The following STON1 variants were observed in gnomAD, a reference collection of about 807,000 sequenced individuals.
The protein encoded by STON1 is stonin 1, also known as stonin-1.
In STON1, 79 loss-of-function variants were observed where a neutral mutation model predicts 60.9. The ratio of observed to expected loss-of-function variants is 1.30; its 90% CI spans 1.08 to 1.56. STON1 has a LOEUF of 1.56. STON1 is among the 40% of genes most tolerant of loss of function. STON1 has a pLI of 0.00. For synonymous variants in STON1, 363 were observed against 306.9 expected, an observed-to-expected ratio of 1.18 and a Z score of -1.91; for missense variants, 1,166 against 858.9, an observed-to-expected ratio of 1.36 and a Z score of -4.47.
chr2:48,585,330 C>G (rs189243589), intron 2 of STON1, among the ~76,000 whole-genome samples: 11 of 152,128 alleles, frequency 7.2e-5, no homozygotes, highest in Admixed American at 6.5e-4. Flanking sequence ...TCACTGCAAC[C>G]GCTGCCTCCT....
rs1406200978 is a variant in STON1 at position 48,564,485 on chromosome 2, T to C, written c.-47-16102T>C. Among the ~76,000 whole-genome samples the C allele has an allele frequency of 6.4e-3, 157 of 24,522 alleles. 1 individual carries two copies. The highest frequency in any genetic ancestry group is 9.3e-3 in the South Asian group (5 of 536). 16.1% of individuals were successfully genotyped at this position (24,522 alleles called of 152,430 possible). A position where few individuals can be genotyped will look rare whatever the true frequency, so the allele number is the denominator to read the frequency against. On this transcript the variant is annotated intron_variant, in intron 1 of 3. Transcript: ENST00000404752. The stretch of plus-strand genomic sequence containing the variant: ...TCTTCTTCTTCTTCTTCTTCTTTCT[T>C]CTTCTTCTTCTTCTTCTTCTTCTTC...
At chr2:48,570,061 A>G (rs1161390655) in intron 1 of STON1, among the ~76,000 whole-genome samples, 2 of 152,336 alleles carry the variant, frequency 1.3e-5, no homozygotes, top group Middle Eastern at 3.4e-3. Flanking sequence ...CAGGCTGGGC[A>G]TGGTGGCTCA....
At chr2:48,560,373 G>A (rs1338367253) in intron 1 of STON1, among the ~76,000 whole-genome samples, 1 of 152,144 alleles carries the variant, frequency 6.6e-6, no homozygotes, top group Admixed American at 6.5e-5. Flanking sequence ...GTGACCACAG[G>A]GTCCTGCACC....
rs1234216984 is a variant in STON1 at position 48,555,374 on chromosome 2, C to T, written c.-48+25158C>T. Among the ~76,000 whole-genome samples, 6 of 49,046 alleles carry T rather than the reference C, an allele frequency of 1.2e-4. 1 individual carries two copies. The highest frequency in any genetic ancestry group is 1.3e-4 in the Non-Finnish European group (3 of 23,508). The allele number at this position is 49,046 out of a possible 152,430, so 32.2% of individuals were successfully genotyped here. A position where few individuals can be genotyped will look rare whatever the true frequency, so the allele number is the denominator to read the frequency against. Reference sequence around the variant, plus strand: ...GGGCGGCTGGCCGGGCAGAGGGGCTCCTCACTTCCCAGTAGGGGCGGCCGG... The same window carrying T: ...GGGCGGCTGGCCGGGCAGAGGGGCTTCTCACTTCCCAGTAGGGGCGGCCGG... On this transcript the variant is annotated intron_variant, in intron 1 of 3. Transcript: ENST00000404752.
intron 1 of STON1, among the ~76,000 whole-genome samples, chr2:48,559,635 C>G (rs1329298057): frequency 3.3e-5 from 5 of 152,156 alleles, no homozygotes; most frequent in Non-Finnish European, 1.5e-5. Context: ...GACAGAGGCT[C>G]AGGGAATTGA....
intron 1 of STON1, among the ~76,000 whole-genome samples, chr2:48,537,460 C>T (rs1208295817): frequency 6.6e-6 from 1 of 151,998 alleles, no homozygotes; most frequent in Non-Finnish European, 1.5e-5. Flanking sequence ...TATACATATA[C>T]AGGTATATTA....
intron 1 of STON1, among the ~76,000 whole-genome samples, chr2:48,539,166 C>G (rs1478998069): frequency 6.6e-6 from 1 of 152,158 alleles, no homozygotes; most frequent in Non-Finnish European, 1.5e-5. Flanking sequence ...GATCCTCTTG[C>G]CTCAGTCTTT....
intron 1 of STON1, among the ~76,000 whole-genome samples, chr2:48,564,642 C>CT (rs1191262049): frequency 3.3e-5 from 4 of 120,916 alleles, no homozygotes; most frequent in African/African-American, 1.4e-4. Flanking sequence ...CTTTCTCCTT[C>CT]TCCTTCTTCT....
intron 1 of STON1, among the ~76,000 whole-genome samples, chr2:48,550,574 T>A (rs1672061535): frequency 6.8e-6 from 1 of 148,090 alleles, no homozygotes; most frequent in African/African-American, 2.5e-5. Flanking sequence ...TATATATATA[T>A]TATATATATA....
intron 2 of STON1, among the ~76,000 whole-genome samples, chr2:48,588,902 A>G (rs1232137332): frequency 6.6e-6 from 1 of 152,144 alleles, no homozygotes; most frequent in African/African-American, 2.4e-5. Context: ...GCACTAGCTC[A>G]CAGACTTCAT....
chr2:48,588,020 C>G (rs1674310825), intron 2 of STON1, among the ~76,000 whole-genome samples: 1 of 152,172 alleles, frequency 6.6e-6, no homozygotes, highest in Non-Finnish European at 1.5e-5. Context: ...GCTAATTTGC[C>G]TCTTGAGAAG....
intron 1 of STON1, among the ~76,000 whole-genome samples, chr2:48,532,246 G>A (rs1671241463): frequency 6.6e-6 from 1 of 151,996 alleles, no homozygotes; most frequent in Admixed American, 6.6e-5. Context: ...CTACTTGGGA[G>A]GTTGAGGCGG....
intron 1 of STON1, among the ~76,000 whole-genome samples, chr2:48,537,691 A>T (rs1671484067): frequency 6.6e-6 from 1 of 151,988 alleles, no homozygotes; most frequent in Non-Finnish European, 1.5e-5. Context: ...TCTACTAAAA[A>T]TGCCAAAAAT....
intron 1 of STON1, among the ~76,000 whole-genome samples, chr2:48,555,034 G>A (rs200747119): frequency 0.07 from 3,950 of 56,794 alleles, 625 homozygotes; most frequent in East Asian, 0.42. Flanking sequence ...AGAGAGCACA[G>A]GGTTGGGGGT....
chr2:48,565,828 G>C (rs1672918927), intron 1 of STON1, among the ~76,000 whole-genome samples: 1 of 152,208 alleles, frequency 6.6e-6, no homozygotes, highest in African/African-American at 2.4e-5. Flanking sequence ...TTTTACAGAT[G>C]AGGAAACTGT....
chr2:48,580,173 G>T (rs1673790855), intron 1 of STON1, among the ~76,000 whole-genome samples: 1 of 152,118 alleles, frequency 6.6e-6, no homozygotes, highest in Non-Finnish European at 1.5e-5. Context: ...CTCCCAAAGT[G>T]CTGGGATTAC....
At chr2:48,554,442 C>T (rs1416868741) in intron 1 of STON1, among the ~76,000 whole-genome samples, 1 of 152,026 alleles carries the variant, frequency 6.6e-6, no homozygotes, top group East Asian at 1.9e-4. Context: ...AGGCTAGTTT[C>T]GAACTCCTGA....
rs1241291799 is a variant in STON1, at chr2:48,557,583, C to T, written c.-47-23004C>T. Reference sequence around the variant, plus strand: ...CGGCACTTTGGGAGGCCAAGGCAGGCGGCTGGGAGGTGTAGGTTGTAGTGA... The same window carrying T: ...CGGCACTTTGGGAGGCCAAGGCAGGTGGCTGGGAGGTGTAGGTTGTAGTGA... On this transcript the variant is annotated intron_variant, in intron 1 of 3. Transcript: ENST00000404752. 9.4e-3 allele frequency among the ~76,000 whole-genome samples: 1,093 copies of T among 115,688 alleles called. 194 individuals carry two copies. The highest frequency in any genetic ancestry group is 0.014 in the Non-Finnish European group (767 of 54,166). 75.9% of individuals were successfully genotyped at this position (115,688 alleles called of 152,430 possible).
chr2:48,563,224 G>A (rs775719888), intron 1 of STON1, among the ~76,000 whole-genome samples: 1 of 152,332 alleles, frequency 6.6e-6, no homozygotes, highest in Non-Finnish European at 1.5e-5. Flanking sequence ...GCCTATGGGT[G>A]GGAGGCTTGA....
Sources: allele counts gnomAD v4.1 joint callset (sites outside exome capture counted in the v4.1 genomes callset), GRCh38; gene constraint gnomAD v4.1.1; transcripts MANE v1.5; gene names NCBI Gene and HGNC (gene_info 2026-07-23, HGNC 2026-07-21).